UBE3C: variants seen among roughly 807,000 people sequenced by gnomAD.
UBE3C encodes ubiquitin protein ligase E3C, also known as ubiquitin-protein ligase E3C.
Under a neutral mutation model 129.4 loss-of-function variants are expected in UBE3C, and 42 were observed. The ratio of observed to expected loss-of-function variants is 0.32; its 90% CI spans 0.25 to 0.42. The LOEUF is 0.42. UBE3C is among the 10% of genes least tolerant of loss of function. UBE3C has a pLI of 1.00. For synonymous variants in UBE3C, 510 were observed against 492.4 expected, an observed-to-expected ratio of 1.04 and a Z score of -0.47; for missense variants, 1,049 against 1,319.1, an observed-to-expected ratio of 0.80 and a Z score of 3.17.
intron 18 of UBE3C, among the ~76,000 whole-genome samples, chr7:157,236,481 G>A (rs978151610): frequency 4.6e-5 from 7 of 152,008 alleles, no homozygotes; most frequent in African/African-American, 1.7e-4. Flanking sequence ...ATTTTTTATC[G>A]CGGTAGAATT....
chr7:157,252,849 A>G (rs943604677), intron 19 of UBE3C, among the ~76,000 whole-genome samples: 2 of 152,226 alleles, frequency 1.3e-5, no homozygotes, highest in Non-Finnish European at 1.5e-5. Flanking sequence ...TTCATTGTCC[A>G]CAGTATAGGT....
intron 1 of UBE3C, among the ~76,000 whole-genome samples, chr7:157,160,829 T>A (rs1808049194): frequency 6.6e-6 from 1 of 152,234 alleles, no homozygotes. Context: ...AACTGGATTC[T>A]GTGAGGAAAA....
At chr7:157,216,405 A>G (rs1047845399) in intron 13 of UBE3C, among the ~76,000 whole-genome samples, 2 of 151,288 alleles carry the variant, frequency 1.3e-5, no homozygotes, top group African/African-American at 4.9e-5. Context: ...GTTTTGTTAC[A>G]TAGATAAACA....
intron 9 of UBE3C, 127 bp downstream of exon 9, chr7:157,184,156 C>T: frequency 8.2e-7 from 1 of 1,214,740 alleles, no homozygotes; most frequent in Admixed American, 2.4e-5. Context: ...CAGAGAAGCC[C>T]CGTCAGCCCC....
At chr7:157,167,730 G>A (rs573821468) in intron 2 of UBE3C, among the ~76,000 whole-genome samples, 12 of 151,862 alleles carry the variant, frequency 7.9e-5, no homozygotes, top group African/African-American at 2.4e-4. Flanking sequence ...AAGAGGTATG[G>A]TTTCACCATT....
At chr7:157,178,341 CTGAGTT>C (rs1440266849) in intron 5 of UBE3C, among the ~76,000 whole-genome samples, 2 of 152,158 alleles carry the variant, frequency 1.3e-5, no homozygotes, top group Non-Finnish European at 2.9e-5. Flanking sequence ...AGATTCGTAT[CTGAGTT>C]TAATTAAATG....
intron 1 of UBE3C, 144 bp downstream of exon 1, chr7:157,139,482 C>T (rs1807367360): frequency 3.9e-6 from 3 of 769,884 alleles, no homozygotes; most frequent in South Asian, 2.6e-5. Context: ...GGACTCGGGG[C>T]TTCCTCGCCG....
At chr7:157,206,917 C>G (rs1809450247) in intron 11 of UBE3C, among the ~76,000 whole-genome samples, 1 of 152,186 alleles carries the variant, frequency 6.6e-6, no homozygotes. Flanking sequence ...TCTTGAGGTT[C>G]CAGTTTGGCT....
At chr7:157,168,167 T>C (rs1174336446) in intron 2 of UBE3C, among the ~76,000 whole-genome samples, 14 of 151,768 alleles carry the variant, frequency 9.2e-5, no homozygotes, top group Non-Finnish European at 1.9e-4. Context: ...CTGGCTAACA[T>C]GGTGAAACCC....
chr7:157,244,051 G>T (rs1192223593), intron 18 of UBE3C, among the ~76,000 whole-genome samples: 1 of 151,986 alleles, frequency 6.6e-6, no homozygotes, highest in Non-Finnish European at 1.5e-5. Context: ...GCCAACGTGG[G>T]GAAACCCTGT....
At position 157,195,027 on chromosome 7, in the gene UBE3C, G is replaced by C. The variant is rs149674101; in HGVS notation, c.1332-6694G>C. On this transcript the variant is annotated intron_variant, in intron 10 of 22. Transcript: ENST00000348165. Reference sequence around the variant, plus strand: ...AGCCACTAAAACTAAGAGATTCACTGTCAGGACAGCCTTCTCTAGAGAAAG... The same window carrying C: ...AGCCACTAAAACTAAGAGATTCACTCTCAGGACAGCCTTCTCTAGAGAAAG... 8.5e-5 allele frequency among the ~76,000 whole-genome samples: 13 copies of C among 152,346 alleles called. 1 individual carries two copies. The highest frequency in any genetic ancestry group is 8.5e-4 in the Admixed American group (13 of 15,304).
chr7:157,214,348 A>T (rs1395479521), intron 13 of UBE3C, among the ~76,000 whole-genome samples: 4 of 152,180 alleles, frequency 2.6e-5, no homozygotes, highest in South Asian at 2.1e-4. Context: ...TGTTCTTATG[A>T]ACAGAGATTG....
chr7:157,217,479 A>G (rs1190077196), intron 14 of UBE3C, among the ~76,000 whole-genome samples: 4 of 152,148 alleles, frequency 2.6e-5, no homozygotes, highest in Non-Finnish European at 4.4e-5. Context: ...AAAAGAACAG[A>G]GACAAATTTG....
At chr7:157,218,549 AT>A (rs1311489643) in intron 14 of UBE3C, among the ~76,000 whole-genome samples, 3 of 152,198 alleles carry the variant, frequency 2.0e-5, no homozygotes, top group Non-Finnish European at 4.4e-5. Context: ...CTCATAAGAT[AT>A]TTGTGAGTTA....
chr7:157,228,656 G>A (rs778578005), intron 17 of UBE3C, among the ~76,000 whole-genome samples: 3 of 152,180 alleles, frequency 2.0e-5, no homozygotes, highest in African/African-American at 4.8e-5. Flanking sequence ...AGGGTGACAC[G>A]GACACTGACC....
intron 8 of UBE3C, among the ~76,000 whole-genome samples, chr7:157,183,520 G>A (rs1275022808): frequency 2.0e-5 from 3 of 152,146 alleles, no homozygotes; most frequent in Non-Finnish European, 4.4e-5. Context: ...CCCCTTGGAA[G>A]TTGGTGCGTG....
intron 1 of UBE3C, among the ~76,000 whole-genome samples, chr7:157,156,116 T>C (rs1807895835): frequency 6.6e-6 from 1 of 152,138 alleles, no homozygotes; most frequent in African/African-American, 2.4e-5. Flanking sequence ...TCCCAGCCAC[T>C]CAGTGGTGAA....
chr7:157,161,238 T>A (rs1254027252), intron 1 of UBE3C, among the ~76,000 whole-genome samples: 1 of 152,222 alleles, frequency 6.6e-6, no homozygotes, highest in Non-Finnish European at 1.5e-5. Context: ...GTAAGACATA[T>A]GGGATAAGGG....
chr7:157,231,261 T>G lies in UBE3C; in HGVS notation c.2415T>G (p.Ala805=). Residue 805 remains alanine, a synonymous_variant, in exon 18 of 23, where the codon GCT becomes GCG. Transcript: ENST00000348165. ...AAGGGCTTCTGTACCCCAACCCGGC[T>G]GCTCAGATGCTTGTGGGAGATTCTT... ...TNEGLLYPNP[A]AQMLVGDSFA... is the part of the protein sequence containing the mutation. 6.2e-7 allele frequency: 1 copy of G among 1,614,202 alleles called. No individual in the cohort carries two copies. The highest frequency in any genetic ancestry group is 8.5e-7 in the Non-Finnish European group (1 of 1,180,046).
Sources: gnomAD v4.1 joint callset for allele counts (sites outside exome capture counted in the v4.1 genomes callset) on GRCh38, gnomAD v4.1.1 for gene constraint, MANE v1.5 for transcripts, NCBI Gene and HGNC (gene_info 2026-07-23, HGNC 2026-07-21) for gene names.